The following RELCH variants were observed in gnomAD, a reference collection of about 807,000 sequenced individuals.
The protein encoded by RELCH is RAB11 binding and LisH domain, coiled-coil and HEAT repeat containing.
A neutral mutation model predicts 150.3 loss-of-function variants in RELCH; 41 were observed. The ratio of observed to expected loss-of-function variants is 0.27; its 90% confidence interval spans 0.21 to 0.35. RELCH has a LOEUF of 0.35. Among genes scored for constraint, RELCH ranks in the 10% least tolerant of loss-of-function variants. RELCH has a pLI of 1.00. For synonymous variants in RELCH, 478 were observed against 531.8 expected (o/e 0.90, Z 1.39); for missense variants, 1,092 against 1,467.8 (o/e 0.74, Z 4.18).
chr18:62,215,061 A>G (rs1167548697), intron 2 of RELCH, among the ~76,000 whole-genome samples: 1 of 152,070 alleles, frequency 6.6e-6, no homozygotes, highest in Non-Finnish European at 1.5e-5. Flanking sequence ...ATACGTTTTC[A>G]ATCTTTACAT....
Position 62,187,383 on chromosome 18 carries a change from G to C in RELCH, c.-123G>C, listed in dbSNP as rs550236509. On this transcript the variant is annotated 5_prime_UTR_variant, in exon 1 of 29. Transcript: ENST00000644646. ...GGAGCGTACTCCTTGTCTCTAAGTCGGGAGGCAGGACGTGGTCAGGCCGGG... is the reference window on the plus strand; with the variant it reads ...GGAGCGTACTCCTTGTCTCTAAGTCCGGAGGCAGGACGTGGTCAGGCCGGG... 5 of 875,006 alleles carry C rather than the reference G, an allele frequency of 5.7e-6. No individual in the cohort carries two copies. Among genetic ancestry groups the C allele is most frequent in the East Asian group, 2.7e-5 (1 of 37,178 alleles). The allele number at this position is 875,006 out of a possible 1,614,324, so 54.2% of individuals were successfully genotyped here. A position where few individuals can be genotyped will look rare whatever the true frequency, so the allele number is the denominator to read the frequency against.
intron 1 of RELCH, among the ~76,000 whole-genome samples, chr18:62,202,746 A>G (rs914704100): frequency 3.9e-5 from 6 of 152,240 alleles, no homozygotes; most frequent in African/African-American, 1.4e-4. Context: ...CTAGGCTTGT[A>G]TATATGATTT....
intron 1 of RELCH, among the ~76,000 whole-genome samples, chr18:62,205,710 A>T (rs1408936962): frequency 6.6e-6 from 1 of 152,094 alleles, no homozygotes; most frequent in Non-Finnish European, 1.5e-5. Flanking sequence ...TGTCATCATT[A>T]TTTTTGTTTA....
chr18:62,280,580 A>G, intron 23 of RELCH, 66 bp from the exon 24 acceptor site: 1 of 1,334,420 alleles, frequency 7.5e-7, no homozygotes, highest in Non-Finnish European at 1.1e-6. Context: ...TTACTTTAAT[A>G]TACATTTTAA....
chr18:62,258,144 A>G, intron 14 of RELCH, 56 bp downstream of exon 14: 1 of 1,400,828 alleles, frequency 7.1e-7, no homozygotes, highest in Admixed American at 2.1e-5. Context: ...AAGTATTATA[A>G]TATTCCAAAT....
Position 62,257,926 on chromosome 18 carries a change from G to A in RELCH, c.1897-22G>A, listed in dbSNP as rs746568229. 3.8e-6 allele frequency: 6 copies of A among 1,566,204 alleles called. No homozygotes were observed. The South Asian group carries it at 5.9e-5, about 15-fold the overall frequency. On this transcript the variant is annotated intron_variant, in intron 13 of 28. Coordinates refer to ENST00000644646, the MANE Select transcript of RELCH (RefSeq NM_001346231.2). ...TTCTGTGCTTAGGTGTAAATAAATA[G>A]TAAAAACATGTTTATTTTCAGAAAG...
intron 1 of RELCH, among the ~76,000 whole-genome samples, chr18:62,199,104 A>G (rs897897022): frequency 2.7e-5 from 4 of 150,346 alleles, no homozygotes; most frequent in African/African-American, 7.3e-5. Context: ...ATCCTTGTCC[A>G]CATTATTTTT....
At chr18:62,267,219 A>G (rs1225465591) in intron 19 of RELCH, among the ~76,000 whole-genome samples, 1 of 151,854 alleles carries the variant, frequency 6.6e-6, no homozygotes, top group Non-Finnish European at 1.5e-5. Context: ...TACTTCATTG[A>G]TAGTTTTCAC....
chr18:62,310,105 T>C lies in RELCH; in HGVS notation c.*4571T>C, dbSNP rs956761657. On this transcript the variant is annotated 3_prime_UTR_variant, in exon 29 of 29. Transcript: ENST00000644646. ...GTAATATAAATATAATAATTTCTCA[T>C]TGACTTTATGATTTCATAGATGCTT... 6.6e-6 allele frequency: 1 copy of C among 152,222 alleles called. No homozygotes were observed. The highest frequency in any genetic ancestry group is 1.5e-5 in the Non-Finnish European group (1 of 68,036). The allele number at this position is 152,222 out of a possible 1,614,324, so 9.4% of individuals were successfully genotyped here. A position where few individuals can be genotyped will look rare whatever the true frequency, so the allele number is the denominator to read the frequency against.
chr18:62,252,568 C>A, intron 11 of RELCH, 96 bp from the exon 12 acceptor site: 1 of 817,672 alleles, frequency 1.2e-6, no homozygotes, highest in Non-Finnish European at 2.1e-6. Flanking sequence ...AAATCTTGTA[C>A]TCTATGTGAA....
intron 10 of RELCH, among the ~76,000 whole-genome samples, chr18:62,241,412 C>A (rs925526032): frequency 6.6e-6 from 1 of 151,972 alleles, no homozygotes; most frequent in Admixed American, 6.6e-5. Flanking sequence ...AAGACCCAGT[C>A]TCTTAATAAA....
chr18:62,258,136 G>A lies in RELCH; in HGVS notation c.2037+48G>A, dbSNP rs74914588. On this transcript the variant is annotated intron_variant, in intron 14 of 28. Coordinates refer to ENST00000644646, the MANE Select transcript of RELCH (RefSeq NM_001346231.2). ...ATTTTACTCCATTATAAAATTCCAA[G>A]TATTATAATATTCCAAATCTCTGAT... 875 of 1,438,164 alleles carry A rather than the reference G, an allele frequency of 6.1e-4. 7 individuals carry two copies. In the East Asian group the frequency reaches 0.01, roughly 17 times the overall value. The allele number at this position is 1,438,164 out of a possible 1,614,324, so 89.1% of individuals were successfully genotyped here. A position where few individuals can be genotyped will look rare whatever the true frequency, so the allele number is the denominator to read the frequency against.
intron 1 of RELCH, among the ~76,000 whole-genome samples, chr18:62,200,964 C>CTTTTTTTTTTTTTTTT (rs543882947): frequency 1.8e-5 from 1 of 54,988 alleles, no homozygotes; most frequent in Non-Finnish European, 3.1e-5. Context: ...TTTTTCTTTG[C>CTTTTTTTTTTTTTTTT]TTTTTTTTTT....
chr18:62,233,210 A>G (rs2041687036), intron 10 of RELCH, among the ~76,000 whole-genome samples: 1 of 151,772 alleles, frequency 6.6e-6, no homozygotes, highest in Non-Finnish European at 1.5e-5. Flanking sequence ...ATGTTTGCAG[A>G]TAATTTAAAT....
At chr18:62,294,424 A>G (rs76028790) in intron 27 of RELCH, among the ~76,000 whole-genome samples, 2,501 of 152,204 alleles carry the variant, frequency 0.016, 32 homozygotes, top group Non-Finnish European at 0.025. Flanking sequence ...TCTGATTTGC[A>G]TTTCTCTAAT....
intron 1 of RELCH, among the ~76,000 whole-genome samples, chr18:62,200,329 A>G (rs2039343920): frequency 6.6e-6 from 1 of 152,186 alleles, no homozygotes; most frequent in Non-Finnish European, 1.5e-5. Flanking sequence ...GTTTTACCGA[A>G]GTTTTATCTT....
In RELCH at chr18:62,228,503, G is replaced by C. The variant is rs2041353923; in HGVS notation, c.1353G>C (p.Glu451Asp). ...SDEADSTIPK[E>D]NSPNSFPRRE... ...AAGCTGATTCCACTATTCCTAAAGA[G>C]AATTCCCCAAATTCATTCCCCAGGA... Residue 451 changes from glutamate to aspartate, a missense_variant, in exon 8 of 29, where the codon GAG (glutamate) becomes GAC (aspartate). By Grantham distance (45) the Glu-to-Asp change is conservative. Around this residue, in one of 4 missense-constraint regions of RELCH, gnomAD observed 707 missense variants for 1,025.4 expected, o/e 0.69. Coordinates refer to ENST00000644646, the MANE Select transcript of RELCH (RefSeq NM_001346231.2). 4.3e-6 allele frequency: 7 copies of C among 1,613,182 alleles called. No homozygotes were observed. Among genetic ancestry groups the C allele is most frequent in the Non-Finnish European group, 5.9e-6 (7 of 1,179,552 alleles).
intron 20 of RELCH, among the ~76,000 whole-genome samples, chr18:62,270,976 T>C (rs544767181): frequency 2.4e-4 from 37 of 152,316 alleles, no homozygotes; most frequent in African/African-American, 8.4e-4. Flanking sequence ...CACATTTTCT[T>C]AATCCAATCT....
chr18:62,231,120 C>T, intron 8 of RELCH, 74 bp from the exon 9 acceptor site: 1 of 1,003,152 alleles, frequency 1.0e-6, no homozygotes, highest in Non-Finnish European at 1.5e-6. Context: ...AGTTATAATA[C>T]ATAACTTAAA....
Sources: allele counts gnomAD v4.1 joint callset (sites outside exome capture counted in the v4.1 genomes callset), GRCh38; gene constraint gnomAD v4.1.1; regional missense constraint gnomAD v4.1.1; transcripts MANE v1.5; gene names NCBI Gene and HGNC (gene_info 2026-07-23, HGNC 2026-07-21).